Variants in RBM19 observed in about 807,000 individuals in gnomAD.
The protein encoded by RBM19 is RNA binding motif protein 19.
A neutral mutation model predicts 116.8 loss-of-function variants in RBM19; 94 were observed. That is an observed-to-expected ratio of 0.80 (90% CI 0.68 to 0.95). RBM19 has a LOEUF of 0.95. RBM19 is among the 40% of genes least tolerant of loss of function. The pLI, the probability that RBM19 is intolerant of heterozygous loss-of-function variation, is 0.00. For missense variants in RBM19, 1,161 were observed against 1,220.7 expected, an observed-to-expected ratio of 0.95 and a Z score of 0.73; for synonymous variants, 475 against 494.1, an observed-to-expected ratio of 0.96 and a Z score of 0.51.
At chr12:113,965,907 G>A (rs1826219911) in intron 1 of RBM19, among the ~76,000 whole-genome samples, 1 of 152,198 alleles carries the variant, frequency 6.6e-6, no homozygotes, top group South Asian at 2.1e-4. Flanking sequence ...GAGGTTGTGG[G>A]AGCAGGGTAT....
chr12:113,845,419 G>A (rs2135719003), intron 22 of RBM19, among the ~76,000 whole-genome samples: 1 of 152,256 alleles, frequency 6.6e-6, no homozygotes, highest in East Asian at 1.9e-4. Context: ...ACTCCCACAT[G>A]CTGCCTGGTT....
intron 1 of RBM19, among the ~76,000 whole-genome samples, chr12:113,965,217 G>A (rs1872769031): frequency 6.6e-6 from 1 of 151,204 alleles, no homozygotes; most frequent in East Asian, 1.9e-4. Context: ...AAGTTGCAGT[G>A]AGCCGAGACT....
chr12:113,880,318 T>C (rs541338830), intron 21 of RBM19, among the ~76,000 whole-genome samples: 98 of 152,302 alleles, frequency 6.4e-4, no homozygotes, highest in Non-Finnish European at 8.5e-4. Context: ...GTGGTTGGTC[T>C]CTGGGCATGC....
chr12:113,963,120 A>G (rs2135947363), intron 1 of RBM19, among the ~76,000 whole-genome samples: 1 of 152,364 alleles, frequency 6.6e-6, no homozygotes, highest in East Asian at 1.9e-4. Flanking sequence ...CAGAGCTTCC[A>G]GAAGGACTGC....
chr12:113,911,405 C>CA (rs1177141408), intron 21 of RBM19, among the ~76,000 whole-genome samples: 1 of 152,184 alleles, frequency 6.6e-6, no homozygotes, highest in East Asian at 1.9e-4. Flanking sequence ...AACAAACAAA[C>CA]AAAAAAACCA....
chr12:113,930,565 T>A (rs1048291591), intron 16 of RBM19, among the ~76,000 whole-genome samples: 1 of 152,178 alleles, frequency 6.6e-6, no homozygotes, highest in Admixed American at 6.5e-5. Flanking sequence ...GGGTGTGCAG[T>A]TGGCCTGGCA....
intron 6 of RBM19, among the ~76,000 whole-genome samples, chr12:113,955,809 T>C (rs1463357359): frequency 6.6e-6 from 1 of 152,218 alleles, no homozygotes; most frequent in East Asian, 1.9e-4. Context: ...CAAGCAGTCT[T>C]GTCCATGCGT....
At chr12:113,838,826 G>A (rs1367578999) in intron 23 of RBM19, among the ~76,000 whole-genome samples, 1 of 152,220 alleles carries the variant, frequency 6.6e-6, no homozygotes, top group African/African-American at 2.4e-5. Flanking sequence ...GCTGAGCCCA[G>A]GGGCAGGGGC....
At chr12:113,837,087 A>G (rs569648142) in intron 23 of RBM19, among the ~76,000 whole-genome samples, 1 of 142,968 alleles carries the variant, frequency 7.0e-6, no homozygotes, top group African/African-American at 2.9e-5. Context: ...TACTACATAC[A>G]TACATACATA....
At chr12:113,852,075 G>A (rs2135729688) in intron 22 of RBM19, among the ~76,000 whole-genome samples, 1 of 152,154 alleles carries the variant, frequency 6.6e-6, no homozygotes, top group East Asian at 1.9e-4. Context: ...TTTTAATGCT[G>A]TTAAAAGGGA....
intron 21 of RBM19, among the ~76,000 whole-genome samples, chr12:113,912,060 C>A (rs908912644): frequency 1.3e-5 from 2 of 152,218 alleles, no homozygotes. Context: ...TGATGCCTGT[C>A]TGGTTTAACC....
intron 21 of RBM19, among the ~76,000 whole-genome samples, chr12:113,875,100 C>T (rs1199292486): frequency 2.6e-5 from 4 of 152,248 alleles, no homozygotes; most frequent in South Asian, 2.1e-4. Context: ...CGGTGCGGAC[C>T]GTTCGACAGA....
At chr12:113,937,462 C>T (rs562299971) in intron 15 of RBM19, among the ~76,000 whole-genome samples, 9 of 152,146 alleles carry the variant, frequency 5.9e-5, no homozygotes, top group Admixed American at 5.2e-4. Context: ...GGGAGTGGGA[C>T]GAGGAGCGAC....
intron 21 of RBM19, among the ~76,000 whole-genome samples, chr12:113,859,995 C>T (rs1878235411): frequency 6.6e-6 from 1 of 152,196 alleles, no homozygotes; most frequent in Non-Finnish European, 1.5e-5. Context: ...CAGGCATCTG[C>T]CAGCCCAATT....
In RBM19 at chr12:113,907,887, G is replaced by A. The variant is rs975130309; in HGVS notation, c.2558+7082C>T. 9.9e-5 allele frequency among the ~76,000 whole-genome samples: 15 copies of A among 152,158 alleles called. 1 individual carries two copies. Among genetic ancestry groups the A allele is most frequent in the South Asian group, 8.3e-4 (4 of 4,826 alleles). Reference sequence around the variant, plus strand: ...GGTTGCAAGCTCTTAACTCTGCTGCGGAAGCCCCAAAGCACCAGGCAATAA... The same window carrying A: ...GGTTGCAAGCTCTTAACTCTGCTGCAGAAGCCCCAAAGCACCAGGCAATAA... On this transcript the variant is annotated intron_variant, in intron 21 of 23. Coordinates refer to ENST00000261741, the MANE Select transcript of RBM19 (RefSeq NM_016196.4).
At chr12:113,847,924 T>C (rs992577628) in intron 22 of RBM19, among the ~76,000 whole-genome samples, 3 of 152,182 alleles carry the variant, frequency 2.0e-5, no homozygotes, top group East Asian at 1.9e-4. Flanking sequence ...TGACACGTTA[T>C]TGGCCTCTCT....
At chr12:113,837,246 TACAC>T (rs34948952) in intron 23 of RBM19, among the ~76,000 whole-genome samples, 66 of 126,894 alleles carry the variant, frequency 5.2e-4, no homozygotes, top group South Asian at 2.7e-3. Context: ...ATCCTCCTAA[TACAC>T]ACACACACAC....
At chr12:113,959,427 G>T (rs372077770) in intron 4 of RBM19, 23 bp from the exon 5 acceptor site, 1 of 1,591,638 alleles carries the variant, frequency 6.3e-7, no homozygotes, top group Non-Finnish European at 8.6e-7. Context: ...GAACCCGGGC[G>T]GCAGGGACAC....
rs140549279 is a variant in RBM19 at position 113,955,171 on chromosome 12, T to G, written c.881A>C (p.His294Pro). ...PANQKEPTTC[H>P]TVKLRGAPFN... ...CGGGGCTCCCCGCAGCTTCACGGTG[T>G]GGCAGGTGGTGGGTTCCTTCTGGTT... is the stretch of plus-strand genomic sequence containing the variant. The change falls in exon 7 of 24, where the codon CAC (histidine) becomes CCC (proline). Residue 294 changes from histidine to proline, a missense_variant. Transcript: ENST00000261741. 1.2e-6 allele frequency: 2 copies of G among 1,613,432 alleles called. No individual in the cohort carries two copies. Among genetic ancestry groups the G allele is most frequent in the South Asian group, 2.2e-5 (2 of 91,070 alleles).
Sources: allele counts gnomAD v4.1 joint callset (sites outside exome capture counted in the v4.1 genomes callset), GRCh38; gene constraint gnomAD v4.1.1; transcripts MANE v1.5; gene names NCBI Gene and HGNC (gene_info 2026-07-23, HGNC 2026-07-21).